RTTN: variants seen among roughly 807,000 people sequenced by gnomAD.
RTTN encodes the protein rotatin.
Under a neutral mutation model 269.2 loss-of-function variants are expected in RTTN, and 182 were observed. That is an observed-to-expected ratio of 0.68 (90% CI 0.60 to 0.76). RTTN has a LOEUF of 0.76. Among genes scored for constraint, RTTN ranks in the 30% least tolerant of loss-of-function variants. The pLI is 0.00. For synonymous variants in RTTN, 1,006 were observed against 963.5 expected, an observed-to-expected ratio of 1.04 and a Z score of -0.82; for missense variants, 2,545 against 2,608.6, an observed-to-expected ratio of 0.98 and a Z score of 0.53.
intron 40 of RTTN, among the ~76,000 whole-genome samples, chr18:70,038,992 T>C (rs2057258528): frequency 6.6e-6 from 1 of 152,076 alleles, no homozygotes; most frequent in South Asian, 2.1e-4. Context: ...AAGAAAGAAT[T>C]AGTAAACTTG....
At chr18:70,130,920 T>G (rs565401945) in intron 23 of RTTN, 2 of 151,936 alleles carry the variant, frequency 1.3e-5, no homozygotes, top group Non-Finnish European at 2.9e-5. Context: ...TGTACTATTA[T>G]ATACCCATAA....
At chr18:70,103,847 C>T (rs1350960335) in intron 28 of RTTN, among the ~76,000 whole-genome samples, 4 of 151,598 alleles carry the variant, frequency 2.6e-5, no homozygotes, top group African/African-American at 4.8e-5. Flanking sequence ...GAGTTTCTGC[C>T]GAGAGATCCG....
Position 70,205,629 on chromosome 18 carries a change from G to A in RTTN, c.30C>T (p.Leu10=), listed in dbSNP as rs767295264. The change falls in exon 1 of 49, where the codon CTC becomes CTT. Residue 10 remains leucine, a splice_region_variant and synonymous_variant. Transcript: ENST00000640769. MVLAGLIRK[L]GHQLAEIRER... is the part of the protein sequence containing the mutation. ...GGCGAGGGGCAAGCTGACAGTTACCGAGTTTCCTGATGAGCCCTGCCAGGA... is the reference window on the plus strand; with the variant it reads ...GGCGAGGGGCAAGCTGACAGTTACCAAGTTTCCTGATGAGCCCTGCCAGGA... The A allele has an allele frequency of 8.7e-6, 14 of 1,614,020 alleles. No homozygotes were observed. Among genetic ancestry groups the A allele is most frequent in the Non-Finnish European group, 1.1e-5 (13 of 1,180,028 alleles).
chr18:70,102,616 G>A (rs1397276341), intron 28 of RTTN, among the ~76,000 whole-genome samples: 1 of 152,166 alleles, frequency 6.6e-6, no homozygotes, highest in Non-Finnish European at 1.5e-5. Flanking sequence ...CTGTCATCAT[G>A]ATGTTAGCTG....
At chr18:70,170,195 G>A (rs956005186) in intron 11 of RTTN, among the ~76,000 whole-genome samples, 3 of 152,016 alleles carry the variant, frequency 2.0e-5, no homozygotes, top group Non-Finnish European at 4.4e-5. Context: ...TCACTCACTC[G>A]GTGAATATTA....
At chr18:70,180,452 C>T (rs1295336973) in intron 10 of RTTN, among the ~76,000 whole-genome samples, 3 of 152,138 alleles carry the variant, frequency 2.0e-5, no homozygotes, top group Non-Finnish European at 4.4e-5. Context: ...AGTGGTGGTA[C>T]ATGCCTGTAA....
Position 70,012,523 on chromosome 18 carries a change from G to A in RTTN, c.6421+4884C>T, listed in dbSNP as rs562840503. 5.3e-5 allele frequency among the ~76,000 whole-genome samples: 8 copies of A among 149,670 alleles called. No homozygotes were observed. The South Asian group carries it at 6.4e-4, about 12-fold the overall frequency. Reference sequence around the variant, plus strand: ...TCACTGGTATTGGTTACAGGGCAGCGTCTGCTCACTGGTGTTAGATAGAGG... The same window carrying A: ...TCACTGGTATTGGTTACAGGGCAGCATCTGCTCACTGGTGTTAGATAGAGG... On this transcript the variant is annotated intron_variant, in intron 46 of 48. Coordinates refer to ENST00000640769, the MANE Select transcript of RTTN (RefSeq NM_173630.4).
At chr18:70,195,033 C>T (rs1011470100) in intron 7 of RTTN, among the ~76,000 whole-genome samples, 2 of 152,174 alleles carry the variant, frequency 1.3e-5, no homozygotes, top group African/African-American at 4.8e-5. Flanking sequence ...AAAAAACTCT[C>T]CAAGAGCTTC....
intron 21 of RTTN, 95 bp downstream of exon 21, chr18:70,139,504 A>C: frequency 2.7e-6 from 2 of 745,668 alleles, no homozygotes; most frequent in Non-Finnish European, 4.6e-6. Flanking sequence ...TGTTGTTCTA[A>C]TAGTAAAATA....
At chr18:70,134,582 G>C in intron 22 of RTTN, 41 bp from the exon 23 acceptor site, 1 of 1,429,794 alleles carries the variant, frequency 7.0e-7, no homozygotes, top group Non-Finnish European at 9.7e-7. Flanking sequence ...AAACAACTGA[G>C]TAGACCAAGT....
chr18:70,156,996 C>T (rs1399203725), intron 14 of RTTN, among the ~76,000 whole-genome samples: 2 of 152,198 alleles, frequency 1.3e-5, no homozygotes, highest in Non-Finnish European at 2.9e-5. Context: ...GAAATGCTCC[C>T]CAACAGCCAC....
At chr18:70,075,308 A>G in intron 33 of RTTN, 44 bp downstream of exon 33, 1 of 1,327,794 alleles carries the variant, frequency 7.5e-7, no homozygotes. Context: ...AGTTTTTACA[A>G]GTTACATATT....
chr18:70,067,937 G>A (rs995444353), intron 34 of RTTN, among the ~76,000 whole-genome samples: 1 of 152,166 alleles, frequency 6.6e-6, no homozygotes, highest in Non-Finnish European at 1.5e-5. Flanking sequence ...TAGAAAAGAT[G>A]CTTTTAGAAA....
intron 47 of RTTN, chr18:70,005,789 G>C (rs1188209496): frequency 6.5e-6 from 1 of 153,836 alleles, no homozygotes; most frequent in Admixed American, 6.5e-5. Context: ...AGTCAGCTGA[G>C]AGAACACCAT....
chr18:70,027,264 G>A (rs1425061150), intron 43 of RTTN, among the ~76,000 whole-genome samples: 1 of 152,150 alleles, frequency 6.6e-6, no homozygotes, highest in African/African-American at 2.4e-5. Context: ...GGGTGACCTG[G>A]TGAATTACCC....
At chr18:70,026,768 T>C (rs2056865799) in intron 43 of RTTN, among the ~76,000 whole-genome samples, 3 of 152,276 alleles carry the variant, frequency 2.0e-5, no homozygotes, top group South Asian at 2.1e-4. Context: ...ACATACTTTC[T>C]TGGGAAATTT....
intron 44 of RTTN, among the ~76,000 whole-genome samples, chr18:70,023,465 C>G (rs993502728): frequency 1.3e-5 from 2 of 152,186 alleles, no homozygotes; most frequent in Non-Finnish European, 2.9e-5. Context: ...CAAGACCAAA[C>G]AGAACTCTTG....
rs2056093366 is a variant in RTTN at position 70,003,483 on chromosome 18, G to A, written c.*668C>T. 6.6e-6 allele frequency: 1 copy of A among 152,164 alleles called. No homozygotes were observed. Among genetic ancestry groups the A allele is most frequent in the Admixed American group, 6.5e-5 (1 of 15,270 alleles). The allele number at this position is 152,164 out of a possible 1,614,324, so 9.4% of individuals were successfully genotyped here. ...GAAGACAACGGTGAAGATTATACAT[G>A]TAATGATTTAAGAGTCATCTAGGAA... On this transcript the variant is annotated 3_prime_UTR_variant, in exon 49 of 49. Transcript: ENST00000640769.
chr18:70,105,132 G>T (rs958898243), intron 28 of RTTN, among the ~76,000 whole-genome samples: 1 of 152,316 alleles, frequency 6.6e-6, no homozygotes, highest in African/African-American at 2.4e-5. Flanking sequence ...TCCTTCAGCT[G>T]TGGTGGGTTC....
Sources: allele counts gnomAD v4.1 joint callset (sites outside exome capture counted in the v4.1 genomes callset), GRCh38; gene constraint gnomAD v4.1.1; transcripts MANE v1.5; gene names NCBI Gene and HGNC (gene_info 2026-07-23, HGNC 2026-07-21).